Variants in PDE6C observed in about 807,000 individuals in gnomAD.
The protein encoded by PDE6C is phosphodiesterase 6C.
PDE6C carries 75 observed loss-of-function variants against 113.1 expected under a neutral mutation model. The ratio of observed to expected loss-of-function variants is 0.66; its 90% CI spans 0.55 to 0.80. The LOEUF is 0.80. Ranked by LOEUF, PDE6C falls within the 30% of genes least tolerant of loss-of-function variation. PDE6C has a pLI of 0.00. For synonymous variants in PDE6C, 375 were observed against 363.7 expected, an observed-to-expected ratio of 1.03 and a Z score of -0.35; for missense variants, 912 against 1,038.6, an observed-to-expected ratio of 0.88 and a Z score of 1.67.
chr10:93,636,987 CA>C lies in PDE6C; in HGVS notation c.1414-7del. On this transcript the variant is annotated splice_region_variant and splice_polypyrimidine_tract_variant and intron_variant, in intron 10 of 21. Coordinates refer to ENST00000371447, the MANE Select transcript of PDE6C (RefSeq NM_006204.4). Reference sequence around the variant, plus strand: ...GAATTTCACACCTCAATTGCTTTTACATTTTAGAAATTTCAAGAGAAGTTAA... The same window carrying C: ...GAATTTCACACCTCAATTGCTTTTACTTTTAGAAATTTCAAGAGAAGTTAA... 6.6e-7 allele frequency: 1 copy of C among 1,526,598 alleles called. No homozygotes were observed. Among genetic ancestry groups the C allele is most frequent in the Non-Finnish European group, 9.1e-7 (1 of 1,100,934 alleles). The allele number at this position is 1,526,598 out of a possible 1,614,324, so 94.6% of individuals were successfully genotyped here. A position where few individuals can be genotyped will look rare whatever the true frequency, so the allele number is the denominator to read the frequency against.
At chr10:93,662,385 C>T (rs562370054) in intron 19 of PDE6C, among the ~76,000 whole-genome samples, 175 bp from the exon 20 acceptor site, 1 of 148,874 alleles carries the variant, frequency 6.7e-6, no homozygotes, top group East Asian at 2.0e-4. Context: ...ATCACTTAAA[C>T]TCAGAAGGCG....
chr10:93,652,186 T>C (rs2058612433), intron 15 of PDE6C, among the ~76,000 whole-genome samples: 1 of 152,116 alleles, frequency 6.6e-6, no homozygotes, highest in Non-Finnish European at 1.5e-5. Context: ...ACCCAAAATG[T>C]ATATCAGAGA....
At chr10:93,624,576 T>C (rs906924936) in intron 4 of PDE6C, among the ~76,000 whole-genome samples, 3 of 152,208 alleles carry the variant, frequency 2.0e-5, no homozygotes, top group African/African-American at 7.2e-5. Context: ...TTGGAAGTTA[T>C]TTTTTCAGAG....
chr10:93,641,008 C>A lies in PDE6C; in HGVS notation c.1826C>A (p.Thr609Asn). 3 of 1,607,052 alleles carry A rather than the reference C, an allele frequency of 1.9e-6. No homozygotes were observed. The highest frequency in any genetic ancestry group is 2.6e-6 in the Non-Finnish European group (3 of 1,173,682). ...TGCCATGATATTGACCACAGAGGCA[C>A]CAATAATTTGTACCAGATGAAGTAA... ...AFCHDIDHRG[T>N]NNLYQMKSTS... The change falls in exon 14 of 22, where the codon ACC becomes AAC. Residue 609 changes from threonine to asparagine, a missense_variant. Coordinates refer to ENST00000371447, the MANE Select transcript of PDE6C (RefSeq NM_006204.4).
chr10:93,632,646 C>A lies in PDE6C; in HGVS notation c.1120-2112C>A, dbSNP rs114456603. On this transcript the variant is annotated intron_variant, in intron 8 of 21. Transcript: ENST00000371447. ...CAAATACGCATGAAGTTCTTTCACA[C>A]GCATGTGATATATTCTCTATTACTG... 9.1e-3 allele frequency among the ~76,000 whole-genome samples: 1,385 copies of A among 152,302 alleles called. 27 individuals are homozygous for A. The highest frequency in any genetic ancestry group is 0.032 in the African/African-American group (1,318 of 41,562).
chr10:93,644,301 A>T (rs1257459964), intron 14 of PDE6C, among the ~76,000 whole-genome samples: 1 of 152,230 alleles, frequency 6.6e-6, no homozygotes, highest in African/African-American at 2.4e-5. Context: ...GTTTGAGATC[A>T]GATTAATATC....
Position 93,621,985 on chromosome 10 carries a change from A to G in PDE6C, c.777A>G (p.Arg259=), listed in dbSNP as rs765706038. 1.2e-6 allele frequency: 2 copies of G among 1,613,148 alleles called. No individual in the cohort carries two copies. Among genetic ancestry groups the G allele is most frequent in the African/African-American group, 1.3e-5 (1 of 74,656 alleles). The change falls in exon 4 of 22, where the codon CGA becomes CGG. Residue 259 remains arginine, a synonymous_variant. Transcript: ENST00000371447. The stretch of plus-strand genomic sequence containing the variant: ...TTGAAGAACTCACAGATGTTGAGCG[A>G]CAGTTTCACAAAGCGCTCTACACGG... ...KVFEELTDVE[R]QFHKALYTVR...
chr10:93,656,898 T>C (rs2058640370), intron 16 of PDE6C, among the ~76,000 whole-genome samples: 1 of 152,174 alleles, frequency 6.6e-6, no homozygotes, highest in Admixed American at 6.6e-5. Context: ...TAGTTCAATG[T>C]GAAGACAAAT....
At chr10:93,657,328 A>ATTTTTTTTTTTTT in intron 16 of PDE6C, among the ~76,000 whole-genome samples, 1 of 88,286 alleles carries the variant, frequency 1.1e-5, no homozygotes, top group Non-Finnish European at 2.0e-5. Flanking sequence ...CGCCTGGCTA[A>ATTTTTTTTTTTTT]TTTTTTTTTT....
intron 8 of PDE6C, among the ~76,000 whole-genome samples, chr10:93,631,041 G>A (rs943404295): frequency 2.0e-5 from 3 of 152,238 alleles, no homozygotes; most frequent in African/African-American, 7.2e-5. Flanking sequence ...GAATGGAGCT[G>A]GCCCAGGAGA....
Position 93,648,674 on chromosome 10 carries a change from G to A in PDE6C, c.1935+2627G>A, listed in dbSNP as rs147987132. On this transcript the variant is annotated intron_variant, in intron 15 of 21. Transcript: ENST00000371447. ...ACTGCTTTGAGGAATAGAACTGCCT[G>A]TACTCTAAACCAGACAGAAATCAAT... Among the ~76,000 whole-genome samples, 208 of 152,230 alleles carry A rather than the reference G, an allele frequency of 1.4e-3. No individual in the cohort carries two copies. The Middle Eastern group carries it at 0.024, about 17-fold the overall frequency.
chr10:93,633,782 A>G (rs2058514582), intron 8 of PDE6C, among the ~76,000 whole-genome samples: 1 of 152,252 alleles, frequency 6.6e-6, no homozygotes, highest in South Asian at 2.1e-4. Context: ...TTAAGGAATT[A>G]GCTAAACAGG....
At chr10:93,640,245 T>G in intron 12 of PDE6C, 29 bp downstream of exon 12, 1 of 1,592,472 alleles carries the variant, frequency 6.3e-7, no homozygotes. Flanking sequence ...TAAAATACTG[T>G]GTGATTCTGT....
At chr10:93,626,531 T>G in intron 5 of PDE6C, 109 bp from the exon 6 acceptor site, 1 of 686,138 alleles carries the variant, frequency 1.5e-6, no homozygotes, top group African/African-American at 1.8e-5. Flanking sequence ...TATAATGTGG[T>G]TGGGAAATAA....
chr10:93,628,270 C>T (rs11187559), intron 7 of PDE6C, among the ~76,000 whole-genome samples: 1 of 151,774 alleles, frequency 6.6e-6, no homozygotes, highest in African/African-American at 2.4e-5. Flanking sequence ...AACTTAATTG[C>T]TAAGATCCCT....
chr10:93,638,893 C>T lies in PDE6C; in HGVS notation c.1483-1177C>T, dbSNP rs141252309. Among the ~76,000 whole-genome samples, 88 of 152,224 alleles carry T rather than the reference C, an allele frequency of 5.8e-4. No homozygotes were observed. The East Asian group carries it at 9.6e-3, about 17-fold the overall frequency. On this transcript the variant is annotated intron_variant, in intron 11 of 21. Coordinates refer to ENST00000371447, the MANE Select transcript of PDE6C (RefSeq NM_006204.4). The stretch of plus-strand genomic sequence containing the variant: ...CTCAGGGGCTGGGGGAACCAGAAAC[C>T]GTAATTTTGTTTTAAATAGCTATAT...
intron 18 of PDE6C, among the ~76,000 whole-genome samples, chr10:93,661,071 T>A (rs528339366): frequency 6.6e-6 from 1 of 152,222 alleles, no homozygotes; most frequent in South Asian, 2.1e-4. Flanking sequence ...AAAGCTACTT[T>A]AGCTTTCATC....
intron 15 of PDE6C, among the ~76,000 whole-genome samples, chr10:93,651,847 T>C (rs1164010450): frequency 6.6e-6 from 1 of 152,182 alleles, no homozygotes; most frequent in Non-Finnish European, 1.5e-5. Flanking sequence ...CTCCATCAAC[T>C]CCTCTTTTGC....
At position 93,640,062 on chromosome 10, in the gene PDE6C, T is replaced by G; in HGVS notation, c.1483-8T>G. 6.2e-7 allele frequency: 1 copy of G among 1,614,034 alleles called. No homozygotes were observed. The highest frequency in any genetic ancestry group is 1.6e-4 in the Middle Eastern group (1 of 6,062). On this transcript the variant is annotated splice_region_variant and splice_polypyrimidine_tract_variant and intron_variant, in intron 11 of 21. Coordinates refer to ENST00000371447, the MANE Select transcript of PDE6C (RefSeq NM_006204.4). ...GTAATCTGAAACAACCCATCCTTAT[T>G]TCAACAGAAAGAGGACTTGCCAGAC...
Sources: gnomAD v4.1 joint callset for allele counts (sites outside exome capture counted in the v4.1 genomes callset) on GRCh38, gnomAD v4.1.1 for gene constraint, MANE v1.5 for transcripts, NCBI Gene and HGNC (gene_info 2026-07-23, HGNC 2026-07-21) for gene names.